The following SLC25A35 variants were observed in gnomAD, a reference collection of about 807,000 sequenced individuals.
The protein encoded by SLC25A35 is solute carrier family 25 member 35, also known as solute carrier family 25, member 35.
Under a neutral mutation model 30.5 loss-of-function variants are expected in SLC25A35, and 32 were observed. That is an observed-to-expected ratio of 1.05 (90% CI 0.79 to 1.41). The LOEUF is 1.41. Among genes scored for constraint, SLC25A35 ranks in the 40% most tolerant of loss-of-function variants. The pLI is 0.00. For missense variants in SLC25A35, 369 were observed against 388.0 expected, an observed-to-expected ratio of 0.95 and a Z score of 0.41; for synonymous variants, 142 against 158.1, an observed-to-expected ratio of 0.90 and a Z score of 0.77.
chr17:8,292,775 G>T (rs777944304), intron 1 of SLC25A35, among the ~76,000 whole-genome samples, 187 bp from the exon 2 acceptor site: 2 of 152,146 alleles, frequency 1.3e-5, no homozygotes, highest in Admixed American at 6.6e-5. Context: ...CCAGCCCCAG[G>T]GGGGTGGATC....
In SLC25A35 at chr17:8,290,561, G is replaced by C. The variant is rs1202915462; in HGVS notation, c.847C>G (p.Leu283Val). ...SYFRLGPHTI[L>V]SLFFWDQLRS... ...AGCTGGTCCCAGAAGAAGAGGGAGA[G>C]GATGGTGTGGGGGCCGAGGCGGAAG... Residue 283 changes from leucine to valine, a missense_variant, in exon 5 of 5, where the codon CTC (leucine) becomes GTC (valine). Leu to Val is a conservative substitution (Grantham distance 32, BLOSUM62 1). Transcript: ENST00000577745. 6.5e-7 allele frequency: 1 copy of C among 1,536,106 alleles called. No homozygotes were observed. Among genetic ancestry groups the C allele is most frequent in the Non-Finnish European group, 8.7e-7 (1 of 1,146,888 alleles).
At chr17:8,291,287 C>T (rs1597445854) in intron 3 of SLC25A35, 46 bp downstream of exon 3, 1 of 1,606,026 alleles carries the variant, frequency 6.2e-7, no homozygotes, top group Middle Eastern at 1.8e-4. Context: ...CTTGCCCTCC[C>T]CTTCCCCCCT....
At position 8,290,101 on chromosome 17, in the gene SLC25A35, C is replaced by A; in HGVS notation, c.*404G>T. The A allele has an allele frequency of 6.6e-7, 1 of 1,506,914 alleles. No individual in the cohort carries two copies. Among genetic ancestry groups the A allele is most frequent in the South Asian group, 1.4e-5 (1 of 73,878 alleles). The allele number at this position is 1,506,914 out of a possible 1,614,324, so 93.3% of individuals were successfully genotyped here. A position where few individuals can be genotyped will look rare whatever the true frequency, so the allele number is the denominator to read the frequency against. On this transcript the variant is annotated 3_prime_UTR_variant, in exon 5 of 5. Transcript: ENST00000577745. ...CTTTATAATCAATATAATCTCTGTG[C>A]CTTTGAATCTAACAGGACACCTGGG...
chr17:8,290,747 C>T lies in SLC25A35; in HGVS notation c.730-69G>A, dbSNP rs1025093842. 2.5e-6 allele frequency: 4 copies of T among 1,602,086 alleles called. No homozygotes were observed. In the African/African-American group the frequency reaches 5.4e-5, roughly 21 times the overall value. On this transcript the variant is annotated intron_variant, in intron 4 of 4. Coordinates refer to ENST00000577745, the MANE Select transcript of SLC25A35 (RefSeq NM_001320870.2). ...TTGTCAGAGCCCACCAGGGGCAGCACCTCTACAGGCTGCATTTCAGGCTAT... is the reference window on the plus strand; with the variant it reads ...TTGTCAGAGCCCACCAGGGGCAGCATCTCTACAGGCTGCATTTCAGGCTAT...
At chr17:8,292,387 C>A in intron 2 of SLC25A35, 136 bp downstream of exon 2, 1 of 846,012 alleles carries the variant, frequency 1.2e-6, no homozygotes, top group Non-Finnish European at 2.0e-6. Context: ...TCTGGGTAGA[C>A]TCCAGGGGCA....
intron 4 of SLC25A35, 75 bp from the exon 5 acceptor site, chr17:8,290,753 C>T: frequency 2.5e-6 from 4 of 1,602,666 alleles, no homozygotes; most frequent in Non-Finnish European, 3.4e-6. Context: ...AGCACCTCTA[C>T]AGGCTGCATT....
chr17:8,295,217 G>T lies in SLC25A35; in HGVS notation c.-410C>A. 2.0e-6 allele frequency: 2 copies of T among 998,384 alleles called. No homozygotes were observed. Among genetic ancestry groups the T allele is most frequent in the East Asian group, 2.1e-4 (2 of 9,306 alleles). The allele number at this position is 998,384 out of a possible 1,614,324, so 61.8% of individuals were successfully genotyped here. On this transcript the variant is annotated 5_prime_UTR_variant, in exon 1 of 5. Coordinates refer to ENST00000577745, the MANE Select transcript of SLC25A35 (RefSeq NM_001320870.2). ...AGAAGAAAGCCAGCAAGTGAGAGAA[G>T]AAAAGGATCCGGGAGAAGAGCCGGT...
At chr17:8,288,843 C>G (rs1019514422), downstream of SLC25A35, 4 of 1,614,130 alleles carry the variant, frequency 2.5e-6, no homozygotes, top group Non-Finnish European at 3.4e-6. Flanking sequence ...CGCCATCCTC[C>G]CCATGGGGGC....
intron 1 of SLC25A35, among the ~76,000 whole-genome samples, chr17:8,292,914 C>T (rs771006892): frequency 3.2e-4 from 49 of 152,072 alleles, no homozygotes; most frequent in Middle Eastern, 3.2e-3. Context: ...CCTGGTGTCC[C>T]GCCTCTCATG....
chr17:8,293,061 A>T (rs1365688194), intron 1 of SLC25A35, among the ~76,000 whole-genome samples: 1 of 152,164 alleles, frequency 6.6e-6, no homozygotes. Flanking sequence ...ACTGTCCCTG[A>T]AACTCACACC....
rs1454331263 is a variant in SLC25A35, at chr17:8,290,337, G to A, written c.*168C>T. ...TTAAAGCAACACCCAAGGAAAGAAG[G>A]GAAACTCATCTCTTGTAGTGATTCA... On this transcript the variant is annotated 3_prime_UTR_variant, in exon 5 of 5. Transcript: ENST00000577745. 6 of 1,434,256 alleles carry A rather than the reference G, an allele frequency of 4.2e-6. No individual in the cohort carries two copies. The highest frequency in any genetic ancestry group is 5.5e-6 in the Non-Finnish European group (6 of 1,099,730). The allele number at this position is 1,434,256 out of a possible 1,614,324, so 88.8% of individuals were successfully genotyped here. A position where few individuals can be genotyped will look rare whatever the true frequency, so the allele number is the denominator to read the frequency against.
At chr17:8,289,947 G>A (rs377263349), downstream of SLC25A35, 4 of 1,614,064 alleles carry the variant, frequency 2.5e-6, no homozygotes, top group Non-Finnish European at 3.4e-6. Flanking sequence ...AGGCGCTGAA[G>A]CACTGCATGA....
Position 8,294,487 on chromosome 17 carries a change from T to A in SLC25A35, c.321A>T (p.Ala107=). ...EGTHSPARSA[A]AGAMAGVMGA... is the part of the protein sequence containing the mutation. ...CCATGACCCCAGCCATGGCCCCAGC[T>A]GCTGCGCTGCGGGCAGGACTGTGGG... Residue 107 remains alanine (A), a synonymous_variant, in exon 1 of 5, where the codon GCA becomes GCT. Coordinates refer to ENST00000577745, the MANE Select transcript of SLC25A35 (RefSeq NM_001320870.2). The A allele has an allele frequency of 6.2e-7, 1 of 1,610,376 alleles. No individual in the cohort carries two copies. Among genetic ancestry groups the A allele is most frequent in the East Asian group, 2.2e-5 (1 of 44,820 alleles).
chr17:8,292,629 A>G (rs748188091), intron 1 of SLC25A35, 41 bp from the exon 2 acceptor site: 1 of 1,594,600 alleles, frequency 6.3e-7, no homozygotes, highest in Non-Finnish European at 8.6e-7. Flanking sequence ...CCCAGTGGCC[A>G]TCCTCCTACC....
downstream of SLC25A35, chr17:8,289,716 G>A (rs1990330953): frequency 1.2e-6 from 2 of 1,613,674 alleles, no homozygotes; most frequent in East Asian, 4.5e-5. Context: ...GAGGTTTGGG[G>A]TAACTGATAC....
chr17:8,289,282 C>G, downstream of SLC25A35: 10 of 1,613,872 alleles, frequency 6.2e-6, no homozygotes, highest in Non-Finnish European at 8.5e-6. Flanking sequence ...ATGTTGGTGG[C>G]GTGCAGGGGG....
downstream of SLC25A35, chr17:8,289,423 C>T (rs1308333619): frequency 1.2e-6 from 2 of 1,613,990 alleles, no homozygotes; most frequent in Non-Finnish European, 1.7e-6. Flanking sequence ...AGGTGAGGGC[C>T]CGAGAGTGTG....
downstream of SLC25A35, chr17:8,289,942 C>G: frequency 6.2e-7 from 1 of 1,614,176 alleles, no homozygotes; most frequent in African/African-American, 1.3e-5. Context: ...AGTAAAGGCG[C>G]TGAAGCACTG....
In SLC25A35 at chr17:8,290,646, C is replaced by A. The variant is rs1460700343; in HGVS notation, c.762G>T (p.Leu254=). 6 of 1,553,160 alleles carry A rather than the reference C, an allele frequency of 3.9e-6. No homozygotes were observed. In the South Asian group the frequency reaches 6.9e-5, roughly 18 times the overall value. ...GLMYRGILDA[L]LQTARTEGIF... Reference sequence around the variant, plus strand: ...TGCCCTCGGTCCGAGCTGTCTGCAGCAGAGCGTCCAGTATCCCCCGGTACA... The same window carrying A: ...TGCCCTCGGTCCGAGCTGTCTGCAGAAGAGCGTCCAGTATCCCCCGGTACA... Residue 254 remains leucine, a synonymous_variant, in exon 5 of 5, where the codon CTG becomes CTT. Transcript: ENST00000577745.
Sources: allele counts gnomAD v4.1 joint callset (sites outside exome capture counted in the v4.1 genomes callset), GRCh38; gene constraint gnomAD v4.1.1; transcripts MANE v1.5; gene names NCBI Gene and HGNC (gene_info 2026-07-23, HGNC 2026-07-21).